ANKRD26: variants seen among roughly 807,000 people sequenced by gnomAD.
ANKRD26 encodes the protein ankyrin repeat domain 26.
A neutral mutation model predicts 208.7 loss-of-function variants in ANKRD26; 141 were observed. That is an observed-to-expected ratio of 0.68 (90% CI 0.59 to 0.78). The LOEUF (loss-of-function observed/expected upper bound fraction) is 0.78. Among genes scored for constraint, ANKRD26 ranks in the 30% least tolerant of loss-of-function variants. The pLI, the probability that ANKRD26 is intolerant of heterozygous loss-of-function variation, is 0.00. For synonymous variants in ANKRD26, 636 were observed against 660.4 expected (o/e 0.96, Z 0.57); for missense variants, 1,889 against 1,938.7 (o/e 0.97, Z 0.48).
chr10:27,016,994 C>G (rs138136049), intron 30 of ANKRD26, among the ~76,000 whole-genome samples: 1 of 152,172 alleles, frequency 6.6e-6, no homozygotes, highest in African/African-American at 2.4e-5. Flanking sequence ...TCGAGACCAG[C>G]CTGGGCAACA....
chr10:27,035,863 G>T, intron 23 of ANKRD26, 111 bp from the exon 24 acceptor site: 1 of 803,206 alleles, frequency 1.2e-6, no homozygotes, highest in Non-Finnish European at 2.0e-6. Flanking sequence ...GTTGCAATAA[G>T]TGTATATCCA....
Position 27,093,334 on chromosome 10 carries a change from T to C in ANKRD26, c.531+15A>G, listed in dbSNP as rs1244248020. Reference sequence around the variant, plus strand: ...CATTTCAAATACTGTAAAAATAAAGTTGGTTGATCTATACCTTGTTTTTTG... The same window carrying C: ...CATTTCAAATACTGTAAAAATAAAGCTGGTTGATCTATACCTTGTTTTTTG... On this transcript the variant is annotated intron_variant, in intron 3 of 33. Transcript: ENST00000376087. The C allele has an allele frequency of 6.2e-7, 1 of 1,610,664 alleles. No individual in the cohort carries two copies. Among genetic ancestry groups the C allele is most frequent in the South Asian group, 1.1e-5 (1 of 90,862 alleles).
chr10:26,997,533 C>A (rs1372254787), intron 4 of ANKRD26, among the ~76,000 whole-genome samples: 2 of 152,134 alleles, frequency 1.3e-5, no homozygotes, highest in East Asian at 3.9e-4. Context: ...ACAGTAGTAA[C>A]AGGCTGAGGG....
intron 5 of ANKRD26, among the ~76,000 whole-genome samples, chr10:26,977,085 T>C (rs2052239379): frequency 6.6e-6 from 1 of 152,198 alleles, no homozygotes; most frequent in Non-Finnish European, 1.5e-5. Flanking sequence ...ATTTAGAAAT[T>C]TGCTTAATAC....
downstream of ANKRD26, among the ~76,000 whole-genome samples, chr10:26,971,806 G>A (rs1185738716): frequency 6.6e-6 from 1 of 152,050 alleles, no homozygotes; most frequent in African/African-American, 2.4e-5. Context: ...TTCCTGCCCA[G>A]CTTTTACCTG....
At chr10:27,073,256 A>G (rs1208545344) in intron 9 of ANKRD26, among the ~76,000 whole-genome samples, 1 of 152,166 alleles carries the variant, frequency 6.6e-6, no homozygotes. Context: ...GTCTTGGAGA[A>G]GAGAACTTCT....
chr10:27,100,449 C>G lies in ANKRD26; in HGVS notation c.-123G>C, dbSNP rs2056614963. The G allele has an allele frequency of 1.4e-6, 2 of 1,402,502 alleles. No individual in the cohort carries two copies. The highest frequency in any genetic ancestry group is 1.4e-5 in the African/African-American group (1 of 69,840). 86.9% of individuals were successfully genotyped at this position (1,402,502 alleles called of 1,614,324 possible). A position where few individuals can be genotyped will look rare whatever the true frequency, so the allele number is the denominator to read the frequency against. On this transcript the variant is annotated 5_prime_UTR_variant, in exon 1 of 34. Coordinates refer to ENST00000376087, the MANE Select transcript of ANKRD26 (RefSeq NM_014915.3). ...CCTCCCAAAGGAAACTCCGCGGTTT[C>G]CAATCTCTCCCTCCGGGTTACCAAG...
intron 7 of ANKRD26, 100 bp from the exon 8 acceptor site, chr10:27,077,793 C>T (rs562547477): frequency 9.4e-7 from 1 of 1,063,898 alleles, no homozygotes; most frequent in Non-Finnish European, 1.4e-6. Flanking sequence ...TGATCTAACA[C>T]AAAGAACAAA....
rs774920110 is a variant in ANKRD26 at position 27,066,509 on chromosome 10, A to G, written c.1247T>C (p.Ile416Thr). 6.9e-6 allele frequency: 11 copies of G among 1,600,364 alleles called. No homozygotes were observed. The highest frequency in any genetic ancestry group is 4.5e-5 in the East Asian group (2 of 44,674). Residue 416 changes from isoleucine to threonine, a missense_variant, in exon 11 of 34, where the codon ATA becomes ACA. By Grantham distance (89) the Ile-to-Thr change is moderately conservative. Coordinates refer to ENST00000376087, the MANE Select transcript of ANKRD26 (RefSeq NM_014915.3). The stretch of plus-strand genomic sequence containing the variant: ...TACCTCAGAATCCCAAGGTGATTCT[A>G]TATCTTCCTCTTGTCCTAATCCTAA... ...SALGLGQEED[I>T]ESPWDSESIS...
chr10:27,009,684 C>T (rs2053022456), intron 32 of ANKRD26, among the ~76,000 whole-genome samples: 1 of 152,130 alleles, frequency 6.6e-6, no homozygotes, highest in Admixed American at 6.5e-5. Context: ...TTACTAATCT[C>T]TTACGCTAAT....
At chr10:27,059,178 T>G (rs11015491) in intron 15 of ANKRD26, among the ~76,000 whole-genome samples, 12,252 of 152,272 alleles carry the variant, frequency 0.08, 578 homozygotes, top group African/African-American at 0.13. Context: ...CCTCCCAAAG[T>G]GCTGGGCTAA....
chr10:27,043,602 C>T, intron 19 of ANKRD26, 35 bp from the exon 20 acceptor site: 1 of 1,591,426 alleles, frequency 6.3e-7, no homozygotes, highest in Non-Finnish European at 8.6e-7. Context: ...AAAATGTCCC[C>T]AGAATATTTA....
At chr10:27,037,417 G>A in intron 22 of ANKRD26, 94 bp from the exon 23 acceptor site, 1 of 1,331,400 alleles carries the variant, frequency 7.5e-7, no homozygotes, top group South Asian at 1.3e-5. Flanking sequence ...CTTATAAAAA[G>A]GAAATAGCAC....
chr10:27,050,989 G>T, intron 16 of ANKRD26: 1 of 1,110,774 alleles, frequency 9.0e-7, no homozygotes, highest in Non-Finnish European at 1.1e-6. Context: ...CTCTTCATAA[G>T]CAGAAAATCA....
At chr10:27,051,412 G>A in intron 16 of ANKRD26, 2 of 1,158,178 alleles carry the variant, frequency 1.7e-6, no homozygotes, top group Non-Finnish European at 2.2e-6. Flanking sequence ...TCACTATACT[G>A]AGGCACACGT....
intron 15 of ANKRD26, among the ~76,000 whole-genome samples, chr10:27,059,087 TG>T (rs2135430634): frequency 6.6e-6 from 1 of 151,940 alleles, no homozygotes; most frequent in African/African-American, 2.4e-5. Flanking sequence ...GCTAATTTTT[TG>T]TATTTTTGGT....
At chr10:26,972,101 G>C (rs12245674), downstream of ANKRD26, among the ~76,000 whole-genome samples, 11 of 152,032 alleles carry the variant, frequency 7.2e-5, no homozygotes, top group Middle Eastern at 3.4e-3. Context: ...CAGGCGTGGT[G>C]GCGGGCGCCT....
chr10:27,096,939 T>C (rs1414959432), intron 1 of ANKRD26, among the ~76,000 whole-genome samples: 1 of 152,068 alleles, frequency 6.6e-6, no homozygotes, highest in Non-Finnish European at 1.5e-5. Flanking sequence ...CCCAACACTT[T>C]GGGAGGCCAA....
the ANKRD26 span, among the ~76,000 whole-genome samples, chr10:26,955,950 T>A: frequency 1.3e-5 from 2 of 152,298 alleles, no homozygotes; most frequent in East Asian, 3.9e-4. Context: ...ATAACACAAA[T>A]ACTTAACTCA....
Sources: allele counts gnomAD v4.1 joint callset (sites outside exome capture counted in the v4.1 genomes callset), GRCh38; gene constraint gnomAD v4.1.1; transcripts MANE v1.5; gene names NCBI Gene and HGNC (gene_info 2026-07-23, HGNC 2026-07-21).